RNF17: variants seen among roughly 807,000 people sequenced by gnomAD.
RNF17 encodes the protein ring finger protein 17, also known as spermatogenesis associated 23.
A neutral mutation model predicts 200.5 loss-of-function variants in RNF17; 31 were observed. That is an observed-to-expected ratio of 0.15 (90% CI 0.12 to 0.21). The LOEUF is 0.21. RNF17 is among the 10% of genes least tolerant of loss of function. The pLI is 1.00. For synonymous variants in RNF17, 606 were observed against 637.8 expected (o/e 0.95, Z 0.75); for missense variants, 1,628 against 1,905.1 (o/e 0.85, Z 2.71).
chr13:24,885,533 T>G, the RNF17 span: 12 of 1,277,806 alleles, frequency 9.4e-6, no homozygotes, highest in Admixed American at 1.7e-5. Flanking sequence ...TTTAGAAACG[T>G]TAAGTCTATT....
chr13:24,767,712 C>T (rs1223357074), intron 2 of RNF17, among the ~76,000 whole-genome samples: 1 of 149,670 alleles, frequency 6.7e-6, no homozygotes, highest in Admixed American at 6.7e-5. Context: ...TGCACCACTG[C>T]ACTCCAGTCT....
chr13:24,767,209 G>C (rs1275459285), intron 1 of RNF17, 63 bp from the exon 2 acceptor site: 2 of 1,201,088 alleles, frequency 1.7e-6, no homozygotes. Flanking sequence ...GGGCAACAGA[G>C]CAAGACCCTG....
Position 24,778,332 on chromosome 13 carries a change from G to T in RNF17, c.355G>T (p.Asp119Tyr), listed in dbSNP as rs765699883. ...TTCTCAGGACTTTAAGAAGACTGCT[G>T]ATCAGCTAACTACTGGTTTAGAACG... ...NCSQDFKKTA[D>Y]QLTTGLERSA... The change falls in exon 4 of 36, where the codon GAT becomes TAT. Residue 119 changes from aspartate (D) to tyrosine (Y), a missense_variant. This residue lies in a region of RNF17 where 502 missense variants were observed against 501.7 expected (regional missense o/e 1.00). Transcript: ENST00000255324. The T allele has an allele frequency of 1.2e-6, 2 of 1,613,230 alleles. No homozygotes were observed. The highest frequency in any genetic ancestry group is 2.2e-5 in the South Asian group (2 of 91,040).
chr13:24,766,858 A>G (rs1350576506), intron 1 of RNF17, among the ~76,000 whole-genome samples: 1 of 152,224 alleles, frequency 6.6e-6, no homozygotes, highest in Non-Finnish European at 1.5e-5. Flanking sequence ...TGCAAATGCT[A>G]TTACATAGCT....
the RNF17 span, among the ~76,000 whole-genome samples, chr13:24,756,721 T>C: frequency 6.6e-6 from 1 of 152,094 alleles, no homozygotes; most frequent in Non-Finnish European, 1.5e-5. Context: ...AGATAAAAGG[T>C]TCTGATGCAA....
At chr13:24,765,421 G>A (rs1005983005) in intron 1 of RNF17, among the ~76,000 whole-genome samples, 34 of 152,142 alleles carry the variant, frequency 2.2e-4, no homozygotes, top group African/African-American at 6.8e-4. Flanking sequence ...ATTACCTGGC[G>A]TAACTGTTTA....
intron 23 of RNF17, 51 bp downstream of exon 23, chr13:24,850,494 G>A (rs1358881199): frequency 4.4e-6 from 5 of 1,135,252 alleles, no homozygotes; most frequent in Admixed American, 2.0e-5. Flanking sequence ...TGTTTCCATC[G>A]ATTCCATTTA....
intron 10 of RNF17, among the ~76,000 whole-genome samples, chr13:24,793,986 T>C (rs1468266811): frequency 1.3e-5 from 2 of 152,220 alleles, no homozygotes; most frequent in African/African-American, 2.4e-5. Context: ...TTCCACTGTA[T>C]TATCATTGAT....
chr13:24,831,081 G>C (rs1889328945), intron 17 of RNF17, among the ~76,000 whole-genome samples: 1 of 152,166 alleles, frequency 6.6e-6, no homozygotes, highest in Non-Finnish European at 1.5e-5. Flanking sequence ...ACTGTTGTTT[G>C]AGTTGTTTTT....
chr13:24,800,292 A>G, intron 12 of RNF17, 74 bp from the exon 13 acceptor site: 1 of 1,022,296 alleles, frequency 9.8e-7, no homozygotes, highest in Non-Finnish European at 1.4e-6. Flanking sequence ...TTAGAAATGC[A>G]TACCTTCTGT....
At chr13:24,834,837 G>A (rs1169808777) in intron 18 of RNF17, among the ~76,000 whole-genome samples, 2 of 152,194 alleles carry the variant, frequency 1.3e-5, no homozygotes, top group East Asian at 3.9e-4. Context: ...CCAGAACTCA[G>A]GGGAGGGTAC....
At chr13:24,799,933 T>C (rs1428374640) in intron 12 of RNF17, among the ~76,000 whole-genome samples, 1 of 152,166 alleles carries the variant, frequency 6.6e-6, no homozygotes, top group African/African-American at 2.4e-5. Flanking sequence ...ATTAATGTTT[T>C]TCAAAGTGTC....
At chr13:24,759,367 T>C (rs1321745218), upstream of RNF17, among the ~76,000 whole-genome samples, 1 of 152,212 alleles carries the variant, frequency 6.6e-6, no homozygotes, top group East Asian at 1.9e-4. Context: ...ATGTAGCATA[T>C]GGAACCAAGA....
intron 11 of RNF17, 139 bp downstream of exon 11, chr13:24,796,434 T>C: frequency 3.7e-6 from 2 of 538,886 alleles, no homozygotes; most frequent in Non-Finnish European, 3.0e-6. Context: ...TTTAGGATTA[T>C]TTAACATAAA....
chr13:24,883,409 AT>A (rs754437359), downstream of RNF17: 128 of 1,439,202 alleles, frequency 8.9e-5, no homozygotes, highest in African/African-American at 9.0e-4. Flanking sequence ...TAAAAAAAAA[AT>A]AATAGAAAAT....
intron 10 of RNF17, among the ~76,000 whole-genome samples, chr13:24,795,504 T>G (rs980688301): frequency 1.6e-4 from 24 of 151,876 alleles, no homozygotes; most frequent in African/African-American, 5.8e-4. Context: ...ACTTTGGAGA[T>G]CTTTTCATAT....
chr13:24,762,361 T>A, upstream of RNF17, among the ~76,000 whole-genome samples: 1 of 92,982 alleles, frequency 1.1e-5, no homozygotes, highest in South Asian at 4.6e-4. Context: ...AGAGCAAGAC[T>A]CCATTTCTAA....
intron 15 of RNF17, among the ~76,000 whole-genome samples, chr13:24,815,775 A>C (rs1056007078): frequency 6.6e-6 from 1 of 152,162 alleles, no homozygotes; most frequent in African/African-American, 2.4e-5. Context: ...GTTTTTGTCA[A>C]GAAAGGGTGT....
intron 11 of RNF17, among the ~76,000 whole-genome samples, chr13:24,797,690 G>C (rs1884737005): frequency 7.5e-6 from 1 of 133,352 alleles, no homozygotes; most frequent in Admixed American, 7.6e-5. Context: ...GAGAGAGAGA[G>C]AGAGAGAGAC....
Sources: allele counts gnomAD v4.1 joint callset (sites outside exome capture counted in the v4.1 genomes callset), GRCh38; gene constraint gnomAD v4.1.1; regional missense constraint gnomAD v4.1.1; transcripts MANE v1.5; gene names NCBI Gene and HGNC (gene_info 2026-07-23, HGNC 2026-07-21).